Variants in DOCK9 observed in about 807,000 individuals in gnomAD.
The protein encoded by DOCK9 is dedicator of cytokinesis 9.
In DOCK9, 89 loss-of-function variants were observed where a neutral mutation model predicts 263.3. The observed-to-expected ratio is 0.34, with a 90% CI of 0.28 to 0.40. DOCK9 has a LOEUF of 0.40. Ranked by LOEUF, DOCK9 falls within the 10% of genes least tolerant of loss-of-function variation. The pLI is 1.00. For synonymous variants in DOCK9, 976 were observed against 973.1 expected (o/e 1.00, Z -0.06); for missense variants, 2,140 against 2,603.4 (o/e 0.82, Z 3.87).
At position 98,897,551 on chromosome 13, in the gene DOCK9, T is replaced by C. The variant is rs770273220; in HGVS notation, c.1646A>G (p.Tyr549Cys). 6.2e-6 allele frequency: 10 copies of C among 1,613,878 alleles called. No individual in the cohort carries two copies. The Admixed American group carries it at 1.2e-4, about 19-fold the overall frequency. ...LDKNARFSAI[Y>C]RQDSNKLSND... ...GGATAGCTTATTGCTGTCTTGCCTG[T>C]AGATGGCAGAAAATCTGGCATTTTT... The change falls in exon 15 of 53, where the codon TAC becomes TGC. Residue 549 changes from tyrosine (Y) to cysteine (C), a missense_variant. This residue lies in a region of DOCK9 where 1,521 missense variants were observed against 1,741.7 expected (regional missense o/e 0.87). Transcript: ENST00000682017.
chr13:98,862,796 G>C (rs2093912163), intron 32 of DOCK9, among the ~76,000 whole-genome samples: 1 of 152,172 alleles, frequency 6.6e-6, no homozygotes, highest in South Asian at 2.1e-4. Flanking sequence ...CTACAAGCCA[G>C]AGAGCACCAA....
intron 1 of DOCK9, among the ~76,000 whole-genome samples, chr13:99,039,013 T>A (rs1888212916): frequency 6.6e-6 from 1 of 152,230 alleles, no homozygotes; most frequent in African/African-American, 2.4e-5. Context: ...TCCACTTGAT[T>A]TACATCCGCC....
intron 1 of DOCK9, among the ~76,000 whole-genome samples, chr13:99,007,975 T>G (rs139502969): frequency 0.028 from 4,201 of 152,184 alleles, 94 homozygotes; most frequent in South Asian, 0.063. Context: ...CTACTCCAGA[T>G]CTGGAAATCT....
upstream of DOCK9, chr13:99,086,701 C>A (rs531930145): frequency 6.8e-6 from 1 of 146,612 alleles, no homozygotes; most frequent in African/African-American, 2.5e-5. Context: ...GGGTGTCCGG[C>A]GCGGCGCGGG....
chr13:98,933,329 T>A (rs1238939195), intron 2 of DOCK9, among the ~76,000 whole-genome samples: 1 of 152,096 alleles, frequency 6.6e-6, no homozygotes, highest in Non-Finnish European at 1.5e-5. Flanking sequence ...AGGAAATAGA[T>A]CTTTTTTATT....
At chr13:99,008,575 A>G (rs1348593895) in intron 1 of DOCK9, among the ~76,000 whole-genome samples, 1 of 152,178 alleles carries the variant, frequency 6.6e-6, no homozygotes, top group East Asian at 1.9e-4. Context: ...ACTATATAAC[A>G]TAACAACATT....
At chr13:98,885,482 G>A in intron 20 of DOCK9, 1 of 506,076 alleles carries the variant, frequency 2.0e-6, no homozygotes. Flanking sequence ...GTGCGTGCCT[G>A]TAGTCCCAGC....
intron 9 of DOCK9, among the ~76,000 whole-genome samples, chr13:98,911,436 T>A (rs1273992204): frequency 2.6e-5 from 4 of 152,112 alleles, no homozygotes; most frequent in African/African-American, 9.7e-5. Context: ...ATAGGTACAT[T>A]ATATACCAAT....
chr13:99,045,326 T>C (rs1232043969), intron 1 of DOCK9, among the ~76,000 whole-genome samples: 1 of 152,162 alleles, frequency 6.6e-6, no homozygotes, highest in Non-Finnish European at 1.5e-5. Context: ...TGAAATATCA[T>C]TCAGGCGCAA....
At chr13:99,068,005 C>T (rs971080658) in intron 1 of DOCK9, among the ~76,000 whole-genome samples, 2 of 151,964 alleles carry the variant, frequency 1.3e-5, no homozygotes, top group African/African-American at 4.8e-5. Flanking sequence ...AGAACCGATC[C>T]CCAGTACCCC....
chr13:99,001,468 C>A (rs1882285744), intron 1 of DOCK9, among the ~76,000 whole-genome samples: 1 of 152,186 alleles, frequency 6.6e-6, no homozygotes, highest in Non-Finnish European at 1.5e-5. Flanking sequence ...CATACAAGCC[C>A]TTTGTGGCTT....
intron 1 of DOCK9, among the ~76,000 whole-genome samples, chr13:98,959,762 G>C (rs1475908219): frequency 1.3e-5 from 2 of 152,224 alleles, no homozygotes; most frequent in African/African-American, 2.4e-5. Context: ...GGAAACTGAA[G>C]ACAGAAATGG....
At chr13:98,970,088 G>A (rs2059586439) in intron 1 of DOCK9, among the ~76,000 whole-genome samples, 1 of 152,106 alleles carries the variant, frequency 6.6e-6, no homozygotes, top group Non-Finnish European at 1.5e-5. Context: ...TTGAATTCCT[G>A]GGCTCAAGCA....
At chr13:99,073,967 A>T (rs2041802839) in intron 1 of DOCK9, among the ~76,000 whole-genome samples, 1 of 152,200 alleles carries the variant, frequency 6.6e-6, no homozygotes, top group African/African-American at 2.4e-5. Flanking sequence ...CAGATCCTTC[A>T]CATTCCTTTT....
chr13:98,883,089 C>T lies in DOCK9; in HGVS notation c.2512G>A (p.Glu838Lys), dbSNP rs770667748. Residue 838 changes from glutamate (E) to lysine (K), a missense_variant, in exon 23 of 53, where the codon GAA becomes AAA. This residue lies in a region of DOCK9 where 1,521 missense variants were observed against 1,741.7 expected (regional missense o/e 0.87). Coordinates refer to ENST00000682017, the MANE Select transcript of DOCK9 (RefSeq NM_001366683.2). ...TTTCCTAAGGCTTGGGCTCCAGATT[C>T]GGTTTTCTGACAGTACTGGAAAAAA... is the stretch of plus-strand genomic sequence containing the variant. Reference protein sequence around the residue: ...HNFFQYCQKTESGAQALGNEL... With the variant: ...HNFFQYCQKTKSGAQALGNEL... The T allele has an allele frequency of 2.6e-5, 42 of 1,613,670 alleles. No individual in the cohort carries two copies. Among genetic ancestry groups the T allele is most frequent in the Non-Finnish European group, 3.1e-5 (37 of 1,179,870 alleles).
exon 1 of DOCK9, chr13:99,086,608 G>A (rs1596075512): frequency 6.8e-6 from 1 of 147,440 alleles, no homozygotes; most frequent in African/African-American, 2.4e-5. Flanking sequence ...CTCGCTCCGG[G>A]CGACCGTGCG....
At chr13:98,993,768 A>G (rs1191595051) in intron 1 of DOCK9, among the ~76,000 whole-genome samples, 2 of 140,544 alleles carry the variant, frequency 1.4e-5, no homozygotes, top group Non-Finnish European at 3.1e-5. Flanking sequence ...AAAGTTTGTA[A>G]ATAAAGTTTA....
intron 1 of DOCK9, among the ~76,000 whole-genome samples, chr13:99,066,520 T>C (rs780889454): frequency 5.3e-5 from 8 of 152,312 alleles, no homozygotes; most frequent in Non-Finnish European, 5.9e-5. Flanking sequence ...TGTTACTTAA[T>C]ATAAATTTAA....
intron 1 of DOCK9, among the ~76,000 whole-genome samples, chr13:99,080,291 C>T (rs2042076252): frequency 1.3e-5 from 2 of 152,068 alleles, no homozygotes; most frequent in African/African-American, 2.4e-5. Flanking sequence ...CTGGATTTTC[C>T]CTTCCACGTC....
Sources: gnomAD v4.1 joint callset for allele counts (sites outside exome capture counted in the v4.1 genomes callset) on GRCh38, gnomAD v4.1.1 for gene constraint, gnomAD v4.1.1 regional missense constraint, MANE v1.5 for transcripts, NCBI Gene and HGNC (gene_info 2026-07-23, HGNC 2026-07-21) for gene names.